Variants in CDYL2 observed in about 807,000 individuals in gnomAD.
CDYL2 encodes chromodomain Y like 2.
Under a neutral mutation model 49.4 loss-of-function variants are expected in CDYL2, and 23 were observed. That is an observed-to-expected ratio of 0.47 (90% CI 0.34 to 0.66). The LOEUF is 0.66. Ranked by LOEUF, CDYL2 falls within the 30% of genes least tolerant of loss-of-function variation. The pLI is 0.01. For missense variants in CDYL2, 678 were observed against 656.4 expected, an observed-to-expected ratio of 1.03 and a Z score of -0.36; for synonymous variants, 360 against 268.8, an observed-to-expected ratio of 1.34 and a Z score of -3.32.
At chr16:80,770,959 C>A (rs900694455) in intron 1 of CDYL2, among the ~76,000 whole-genome samples, 3 of 152,192 alleles carry the variant, frequency 2.0e-5, no homozygotes, top group African/African-American at 7.2e-5. Context: ...CCAGAAGAGT[C>A]AGCTGACAAA....
At chr16:80,680,905 C>G (rs1909943539) in intron 2 of CDYL2, among the ~76,000 whole-genome samples, 1 of 152,168 alleles carries the variant, frequency 6.6e-6, no homozygotes, top group East Asian at 1.9e-4. Flanking sequence ...AACAAGCTCC[C>G]CAAGAGATAC....
chr16:80,745,927 G>A (rs936083144), intron 1 of CDYL2, among the ~76,000 whole-genome samples: 6 of 152,094 alleles, frequency 3.9e-5, no homozygotes, highest in African/African-American at 1.2e-4. Flanking sequence ...ACACGTGGCC[G>A]CGACCCAACT....
intron 3 of CDYL2, among the ~76,000 whole-genome samples, chr16:80,621,509 T>A (rs4889170): frequency 0.12 from 18,638 of 152,258 alleles, 1,692 homozygotes; most frequent in Admixed American, 0.3. Context: ...TGCACCTTAC[T>A]AGCCATGGGA....
chr16:80,641,451 A>T (rs1017891966), intron 2 of CDYL2, among the ~76,000 whole-genome samples: 1 of 152,150 alleles, frequency 6.6e-6, no homozygotes, highest in African/African-American at 2.4e-5. Context: ...AAAGCTGAGA[A>T]ATTTTATCAA....
rs1217027346 is a variant in CDYL2, at chr16:80,600,306, A to C, written c.*4082T>G. 6.6e-6 allele frequency: 1 copy of C among 152,196 alleles called. No individual in the cohort carries two copies. The highest frequency in any genetic ancestry group is 1.5e-5 in the Non-Finnish European group (1 of 68,030). The allele number at this position is 152,196 out of a possible 1,614,324, so 9.4% of individuals were successfully genotyped here. A position where few individuals can be genotyped will look rare whatever the true frequency, so the allele number is the denominator to read the frequency against. The stretch of plus-strand genomic sequence containing the variant: ...AAAAGAACAAGTGATATTAATGAAA[A>C]ATATTGCCTAAAACGCATATCCTAA... On this transcript the variant is annotated 3_prime_UTR_variant, in exon 7 of 7. Coordinates refer to ENST00000570137, the MANE Select transcript of CDYL2 (RefSeq NM_152342.4).
In CDYL2 at chr16:80,804,291, G is replaced by T; in HGVS notation, c.-118C>A. 1 of 902,158 alleles carries T rather than the reference G, an allele frequency of 1.1e-6. No homozygotes were observed. Among genetic ancestry groups the T allele is most frequent in the East Asian group, 5.1e-5 (1 of 19,498 alleles). 55.9% of individuals were successfully genotyped at this position (902,158 alleles called of 1,614,324 possible). A position where few individuals can be genotyped will look rare whatever the true frequency, so the allele number is the denominator to read the frequency against. ...TGCGCGCGTGTGTGTGCGAGTGTGTGTGGTGTGTTGAGTAAACTGTGTTTT... is the reference window on the plus strand; with the variant it reads ...TGCGCGCGTGTGTGTGCGAGTGTGTTTGGTGTGTTGAGTAAACTGTGTTTT... On this transcript the variant is annotated 5_prime_UTR_variant, in exon 1 of 7. Transcript: ENST00000570137.
chr16:80,787,264 G>A (rs1567606704), intron 1 of CDYL2, among the ~76,000 whole-genome samples: 1 of 152,156 alleles, frequency 6.6e-6, no homozygotes, highest in South Asian at 2.1e-4. Context: ...CCAGGAAATG[G>A]AACTGAGAGG....
In CDYL2 at chr16:80,684,647, G is replaced by GA; in HGVS notation, c.506_507insT (p.Phe170LeufsTer14). 1 of 1,614,172 alleles carries GA rather than the reference G, an allele frequency of 6.2e-7. No individual in the cohort carries two copies. The highest frequency in any genetic ancestry group is 8.5e-7 in the Non-Finnish European group (1 of 1,180,032). On this transcript the variant is annotated frameshift_variant, in exon 2 of 7. Transcript: ENST00000570137. LOFTEE classifies it high-confidence loss of function. ...CAGGCTGATGGGACCCATTTCCAAA[G>GA]TGCCTCTCATCCTTCTCAGAGCCGG... is the stretch of plus-strand genomic sequence containing the variant.
chr16:80,613,962 C>T (rs1012331852), intron 4 of CDYL2, among the ~76,000 whole-genome samples: 10 of 152,298 alleles, frequency 6.6e-5, no homozygotes, highest in African/African-American at 2.4e-4. Flanking sequence ...GCCACATGGG[C>T]CTCTGAGAGT....
At chr16:80,727,240 G>A (rs557022180) in intron 1 of CDYL2, among the ~76,000 whole-genome samples, 7 of 152,350 alleles carry the variant, frequency 4.6e-5, no homozygotes, top group East Asian at 3.9e-4. Context: ...CTGGGTGCAC[G>A]CACCGTGCCC....
rs142524100 is a variant in CDYL2, at chr16:80,634,378, G to A, written c.617-1142C>T. 3.7e-3 allele frequency among the ~76,000 whole-genome samples: 561 copies of A among 152,254 alleles called. 2 individuals carry two copies. The highest frequency in any genetic ancestry group is 0.012 in the African/African-American group (503 of 41,530). ...AGATGAAGGTGGGAACTATCATTCT[G>A]AGCAAACTATCGCAAGGACAGAAAA... On this transcript the variant is annotated intron_variant, in intron 2 of 6. Transcript: ENST00000570137.
At chr16:80,618,855 G>A (rs1906948967) in intron 4 of CDYL2, among the ~76,000 whole-genome samples, 1 of 152,236 alleles carries the variant, frequency 6.6e-6, no homozygotes, top group African/African-American at 2.4e-5. Flanking sequence ...TAAGAGGAGA[G>A]CCTGAAAAGA....
chr16:80,739,759 A>G (rs1345960666), intron 1 of CDYL2, among the ~76,000 whole-genome samples: 1 of 152,204 alleles, frequency 6.6e-6, no homozygotes, highest in Non-Finnish European at 1.5e-5. Context: ...CTGCTCTCAG[A>G]GAGACAGAGA....
intron 1 of CDYL2, among the ~76,000 whole-genome samples, chr16:80,789,726 C>A (rs1446641887): frequency 6.6e-6 from 1 of 151,990 alleles, no homozygotes; most frequent in Non-Finnish European, 1.5e-5. Context: ...TATCATGCAG[C>A]CATTAAAAAA....
At chr16:80,610,457 G>A (rs574142524) in intron 5 of CDYL2, among the ~76,000 whole-genome samples, 31 of 152,236 alleles carry the variant, frequency 2.0e-4, no homozygotes, top group Admixed American at 1.7e-3. Flanking sequence ...CACAATAGCC[G>A]TGGGGCCACA....
chr16:80,741,253 G>C (rs1905725902), intron 1 of CDYL2, among the ~76,000 whole-genome samples: 1 of 150,932 alleles, frequency 6.6e-6, no homozygotes, highest in Non-Finnish European at 1.5e-5. Context: ...AATAAAGTGG[G>C]ATTGGGACAA....
rs1232812176 is a variant in CDYL2, at chr16:80,804,279, G to C, written c.-106C>G. On this transcript the variant is annotated 5_prime_UTR_variant, in exon 1 of 7. Transcript: ENST00000570137. Reference sequence around the variant, plus strand: ...TGCGCGTGTGTGTGCGCGCGTGTGTGTGCGAGTGTGTGTGGTGTGTTGAGT... The same window carrying C: ...TGCGCGTGTGTGTGCGCGCGTGTGTCTGCGAGTGTGTGTGGTGTGTTGAGT... 2 of 1,026,286 alleles carry C rather than the reference G, an allele frequency of 1.9e-6. No individual in the cohort carries two copies. The highest frequency in any genetic ancestry group is 2.6e-6 in the Non-Finnish European group (2 of 769,218). 63.6% of individuals were successfully genotyped at this position (1,026,286 alleles called of 1,614,324 possible). A position where few individuals can be genotyped will look rare whatever the true frequency, so the allele number is the denominator to read the frequency against.
intron 1 of CDYL2, among the ~76,000 whole-genome samples, chr16:80,686,911 A>G (rs6564780): frequency 0.06 from 9,195 of 152,270 alleles, 497 homozygotes; most frequent in African/African-American, 0.15. Context: ...GGTCTTTTAG[A>G]TTTATTAGAT....
Position 80,760,079 on chromosome 16 carries a change from C to G in CDYL2, c.24+44071G>C, listed in dbSNP as rs77789164. On this transcript the variant is annotated intron_variant, in intron 1 of 6. Coordinates refer to ENST00000570137, the MANE Select transcript of CDYL2 (RefSeq NM_152342.4). Reference sequence around the variant, plus strand: ...ATTTAGATTTATAAATTGGGTGTCACTGTTCACTTTATAAAGATGGTTTGC... The same window carrying G: ...ATTTAGATTTATAAATTGGGTGTCAGTGTTCACTTTATAAAGATGGTTTGC... Among the ~76,000 whole-genome samples, 791 of 152,282 alleles carry G rather than the reference C, an allele frequency of 5.2e-3. 6 individuals are homozygous for G. The highest frequency in any genetic ancestry group is 0.018 in the African/African-American group (746 of 41,558).
Sources: allele counts gnomAD v4.1 joint callset (sites outside exome capture counted in the v4.1 genomes callset), GRCh38; gene constraint gnomAD v4.1.1; transcripts MANE v1.5; gene names NCBI Gene and HGNC (gene_info 2026-07-23, HGNC 2026-07-21).